The following ENDOV variants were observed in gnomAD, a reference collection of about 807,000 sequenced individuals.
ENDOV encodes the protein endonuclease V.
Under a neutral mutation model 39.4 loss-of-function variants are expected in ENDOV, and 37 were observed. The observed-to-expected ratio is 0.94, with a 90% CI of 0.72 to 1.23. ENDOV has a LOEUF of 1.23. Ranked by LOEUF, ENDOV falls within the 50% of genes most tolerant of loss-of-function variation. The probability of loss-of-function intolerance (pLI) is 0.00; values close to 1 mark genes in which losing one functional copy is unlikely to be tolerated. For synonymous variants in ENDOV, 186 were observed against 163.4 expected, an observed-to-expected ratio of 1.14 and a Z score of -1.05; for missense variants, 441 against 375.7, an observed-to-expected ratio of 1.17 and a Z score of -1.44.
Position 80,421,870 on chromosome 17 carries a change from T to C in ENDOV, c.271T>C (p.Tyr91His), listed in dbSNP as rs2082081959. The C allele has an allele frequency of 1.2e-6, 2 of 1,605,914 alleles. No homozygotes were observed. The highest frequency in any genetic ancestry group is 1.7e-6 in the Non-Finnish European group (2 of 1,176,866). The part of the protein sequence containing the change: ...ESRMVSLTAP[Y>H]VSGFLAFREV... ...CCGCATGGTCAGCCTCACAGCCCCCTACGTGTCGGGCTTCCTGGCCTTCCG... is the reference window on the plus strand; with the variant it reads ...CCGCATGGTCAGCCTCACAGCCCCCCACGTGTCGGGCTTCCTGGCCTTCCG... The change falls in exon 3 of 10, where the codon TAC (tyrosine) becomes CAC (histidine). Residue 91 changes from tyrosine to histidine, a missense_variant. Physicochemically the swap from Tyr to His is moderately conservative, Grantham distance 83 (BLOSUM62 2). Transcript: ENST00000518137.
At chr17:80,427,730 G>C in intron 7 of ENDOV, 1 of 1,289,302 alleles carries the variant, frequency 7.8e-7, no homozygotes, top group South Asian at 1.2e-5. Context: ...GTGTTGGTCT[G>C]CTCTCTCCCT....
intron 7 of ENDOV, chr17:80,427,410 G>A (rs568922704): frequency 1.0e-6 from 1 of 985,366 alleles, no homozygotes; most frequent in South Asian, 4.7e-5. Context: ...CCTTGCAAGG[G>A]AGGGGACACC....
chr17:80,419,454 C>T, intron 2 of ENDOV: 1 of 634,984 alleles, frequency 1.6e-6, no homozygotes, highest in Non-Finnish European at 2.9e-6. Flanking sequence ...ATGCCAGATG[C>T]TGAGCGATGG....
chr17:80,415,861 G>A, intron 2 of ENDOV, 40 bp downstream of exon 2: 1 of 1,558,246 alleles, frequency 6.4e-7, no homozygotes, highest in South Asian at 1.2e-5. Flanking sequence ...GGGCCCCTCG[G>A]TGGGCTCGGG....
At chr17:80,427,594 C>T (rs545132940) in intron 7 of ENDOV, 5 of 1,119,476 alleles carry the variant, frequency 4.5e-6, no homozygotes, top group East Asian at 7.3e-5. Flanking sequence ...GGGCGTGAGC[C>T]GAGGATCGTG....
chr17:80,424,212 CTG>C (rs1364645958), intron 5 of ENDOV: 3 of 399,424 alleles, frequency 7.5e-6, no homozygotes, highest in Non-Finnish European at 1.3e-5. Context: ...AGAGCAGAGA[CTG>C]TGTCTCTCAT....
In ENDOV at chr17:80,430,982, G is replaced by C. The variant is rs914411215; in HGVS notation, c.838+1151G>C. On this transcript the variant is annotated intron_variant, in intron 9 of 9. Coordinates refer to ENST00000518137, the MANE Select transcript of ENDOV (RefSeq NM_173627.5). ...GCCCCAGCCCCTGGGCACCTTGCAA[G>C]CACCCCCCAGCCCTTGACATGCCGG... is the stretch of plus-strand genomic sequence containing the variant. Among the ~76,000 whole-genome samples, 3 of 152,298 alleles carry C rather than the reference G, an allele frequency of 2.0e-5. No homozygotes were observed. In the South Asian group the frequency reaches 6.2e-4, roughly 32 times the overall value.
At chr17:80,425,301 C>T (rs952527027) in intron 6 of ENDOV, among the ~76,000 whole-genome samples, 191 bp from the exon 7 acceptor site, 1 of 152,164 alleles carries the variant, frequency 6.6e-6, no homozygotes, top group Non-Finnish European at 1.5e-5. Context: ...CTGAGGGAGC[C>T]CACCCTCCCC....
chr17:80,427,455 G>A (rs1025269759), intron 7 of ENDOV: 58 of 985,466 alleles, frequency 5.9e-5, no homozygotes, highest in Middle Eastern at 1.0e-3. Flanking sequence ...TAGAAATAGA[G>A]CAAGGATCTG....
chr17:80,433,185 T>C, intron 9 of ENDOV: 1 of 520,094 alleles, frequency 1.9e-6, no homozygotes, highest in Non-Finnish European at 3.8e-6. Context: ...CTGGCTGAGA[T>C]CCCACTGTCT....
In ENDOV at chr17:80,436,249, C is replaced by CGTCCTCGTTTCGTTCCTG; in HGVS notation, c.*106_*107insGTCCTCGTTTCGTTCCTG. ...GATCGAACGCGGTGGTGAGAGCACA[C>CGTCCTCGTTTCGTTCCTG]ATCCTCGTCTCGTTCCTGATCGAAC... On this transcript the variant is annotated 3_prime_UTR_variant, in exon 10 of 10. Transcript: ENST00000518137. The CGTCCTCGTTTCGTTCCTG allele has an allele frequency of 9.2e-7, 1 of 1,084,012 alleles. No homozygotes were observed. Among genetic ancestry groups the CGTCCTCGTTTCGTTCCTG allele is most frequent in the South Asian group, 1.8e-5 (1 of 56,482 alleles). 67.1% of individuals were successfully genotyped at this position (1,084,012 alleles called of 1,614,324 possible).
At position 80,415,750 on chromosome 17, in the gene ENDOV, G is replaced by A. The variant is rs746220237; in HGVS notation, c.157G>A (p.Val53Met). ...TCTGCAGAGGGTCGGGGGCGTTGAC[G>A]TGTCCTTCGTGAAAGGGGACAGTGT... ...SGLQRVGGVDVSFVKGDSVRA... is the reference protein window; with the variant it reads ...SGLQRVGGVDMSFVKGDSVRA... The change falls in exon 2 of 10, where the codon GTG (valine) becomes ATG (methionine). Residue 53 changes from valine to methionine, a missense_variant. Physicochemically the swap from Val to Met is conservative, Grantham distance 21. Transcript: ENST00000518137. The A allele has an allele frequency of 7.5e-6, 12 of 1,606,130 alleles. No individual in the cohort carries two copies. Among genetic ancestry groups the A allele is most frequent in the Non-Finnish European group, 1.0e-5 (12 of 1,176,582 alleles).
rs1458632814 is a variant in ENDOV at position 80,437,508 on chromosome 17, T to C, written c.*1365T>C. ...TGGGTGTGGGGCTCCGAACCCTAAATGGGTGAGAGTTGAAATGAAAGCGGC... is the reference window on the plus strand; with the variant it reads ...TGGGTGTGGGGCTCCGAACCCTAAACGGGTGAGAGTTGAAATGAAAGCGGC... On this transcript the variant is annotated 3_prime_UTR_variant, in exon 10 of 10. Transcript: ENST00000518137. The C allele has an allele frequency of 2.6e-5, 4 of 152,592 alleles. No homozygotes were observed. Among genetic ancestry groups the C allele is most frequent in the Non-Finnish European group, 4.4e-5 (3 of 68,058 alleles). The allele number at this position is 152,592 out of a possible 1,614,324, so 9.5% of individuals were successfully genotyped here.
chr17:80,422,517 G>C (rs1451340953), intron 4 of ENDOV, among the ~76,000 whole-genome samples: 1 of 152,240 alleles, frequency 6.6e-6, no homozygotes, highest in African/African-American at 2.4e-5. Context: ...CTCATCTCCA[G>C]GTGCCACTAT....
At chr17:80,436,046 C>A in intron 9 of ENDOV, 87 bp from the exon 10 acceptor site, 1 of 1,467,732 alleles carries the variant, frequency 6.8e-7, no homozygotes, top group Non-Finnish European at 9.4e-7. Context: ...CGAGCCACTG[C>A]ACCTGGCCCA....
chr17:80,419,079 A>C (rs1229141648), intron 2 of ENDOV, among the ~76,000 whole-genome samples: 1 of 151,124 alleles, frequency 6.6e-6, no homozygotes, highest in South Asian at 2.1e-4. Flanking sequence ...AGGCTGAGGC[A>C]GGAGAATGGC....
In ENDOV at chr17:80,429,784, C is replaced by T. The variant is rs372710137; in HGVS notation, c.791C>T (p.Ala264Val). The change falls in exon 9 of 10, where the codon GCG becomes GTG. Residue 264 changes from alanine (A) to valine (V), a missense_variant. Coordinates refer to ENST00000518137, the MANE Select transcript of ENDOV (RefSeq NM_173627.5). ...PGPPTPRSPK[A>V]QRPVACPKGD... is the part of the protein sequence containing the mutation. ...AATGTCATCACCAGGAGCCCGAAGG[C>T]GCAGAGGCCAGTGGCATGCCCCAAA... 1.6e-5 allele frequency: 25 copies of T among 1,603,478 alleles called. No individual in the cohort carries two copies. Among genetic ancestry groups the T allele is most frequent in the South Asian group, 2.2e-5 (2 of 89,496 alleles).
intron 9 of ENDOV, among the ~76,000 whole-genome samples, chr17:80,435,716 G>A (rs1199183436): frequency 6.6e-5 from 10 of 151,940 alleles, no homozygotes; most frequent in African/African-American, 2.4e-4. Context: ...CCGGGTTCAC[G>A]CCATTCTCCT....
intron 7 of ENDOV, among the ~76,000 whole-genome samples, chr17:80,427,014 C>T (rs1027861615): frequency 2.0e-5 from 3 of 152,268 alleles, no homozygotes; most frequent in African/African-American, 7.2e-5. Flanking sequence ...CCACCACCTT[C>T]GGGCCGGGGC....
Sources: allele counts gnomAD v4.1 joint callset (sites outside exome capture counted in the v4.1 genomes callset), GRCh38; gene constraint gnomAD v4.1.1; transcripts MANE v1.5; gene names NCBI Gene and HGNC (gene_info 2026-07-23, HGNC 2026-07-21).